Variants in AGBL4 observed in about 807,000 individuals in gnomAD.
AGBL4 encodes cytosolic carboxypeptidase 6.
Under a neutral mutation model 66.4 loss-of-function variants are expected in AGBL4, and 58 were observed. The ratio of observed to expected loss-of-function variants is 0.87; its 90% CI spans 0.71 to 1.09. The LOEUF (loss-of-function observed/expected upper bound fraction) is 1.09, where lower values mean the gene tolerates loss of function less well. Among genes scored for constraint, AGBL4 ranks in the 50% least tolerant of loss-of-function variants. The pLI is 0.00. For synonymous variants in AGBL4, 234 were observed against 222.9 expected (o/e 1.05, Z -0.44); for missense variants, 579 against 631.0 (o/e 0.92, Z 0.88).
rs374028416 is a variant in AGBL4, at chr1:49,500,479, T to C, written c.282+196834A>G. The stretch of plus-strand genomic sequence containing the variant: ...AAGCCAATGTCAAGAAGAATTTTTC[T>C]GATGTTATCTTCTAGAATTTTTATA... On this transcript the variant is annotated intron_variant, in intron 3 of 13. Coordinates refer to ENST00000371839, the MANE Select transcript of AGBL4 (RefSeq NM_032785.4). 5.4e-4 allele frequency among the ~76,000 whole-genome samples: 82 copies of C among 152,034 alleles called. 1 individual carries two copies. The East Asian group carries it at 0.015, about 28-fold the overall frequency.
intron 11 of AGBL4, among the ~76,000 whole-genome samples, chr1:48,554,805 C>T (rs1386828149): frequency 2.0e-5 from 3 of 152,184 alleles, no homozygotes; most frequent in African/African-American, 7.2e-5. Flanking sequence ...CTTTCTAATA[C>T]CACTCAGTTA....
chr1:48,856,007 A>G (rs1040144945), intron 6 of AGBL4, among the ~76,000 whole-genome samples: 1 of 152,184 alleles, frequency 6.6e-6, no homozygotes, highest in African/African-American at 2.4e-5. Context: ...ATTAAGTGAA[A>G]AATCAATAGA....
chr1:49,497,325 A>T lies in AGBL4; in HGVS notation c.282+199988T>A, dbSNP rs543284276. ...CTCCCATTCCATAGGTTGTCTCTTCACTTTATTGATTGTTTTCTTTGCAGT... is the reference window on the plus strand; with the variant it reads ...CTCCCATTCCATAGGTTGTCTCTTCTCTTTATTGATTGTTTTCTTTGCAGT... On this transcript the variant is annotated intron_variant, in intron 3 of 13. Coordinates refer to ENST00000371839, the MANE Select transcript of AGBL4 (RefSeq NM_032785.4). Among the ~76,000 whole-genome samples, 128 of 152,048 alleles carry T rather than the reference A, an allele frequency of 8.4e-4. 1 individual carries two copies. The highest frequency in any genetic ancestry group is 1.5e-3 in the Non-Finnish European group (104 of 67,922).
intron 2 of AGBL4, among the ~76,000 whole-genome samples, chr1:49,735,296 GGTGT>G (rs34172664): frequency 0.018 from 2,325 of 127,264 alleles, 29 homozygotes; most frequent in South Asian, 0.027. Context: ...GAGGTGTGTG[GGTGT>G]GTGTGTGTGT....
chr1:49,979,104 A>G (rs1302676033), intron 1 of AGBL4, among the ~76,000 whole-genome samples: 1 of 152,240 alleles, frequency 6.6e-6, no homozygotes, highest in Non-Finnish European at 1.5e-5. Context: ...AGATACAAGT[A>G]TCTTTTATAA....
intron 2 of AGBL4, among the ~76,000 whole-genome samples, chr1:49,834,381 T>G (rs1309753655): frequency 6.6e-6 from 1 of 152,234 alleles, no homozygotes; most frequent in Non-Finnish European, 1.5e-5. Flanking sequence ...GAAGTGTTTA[T>G]GGTATTCTCA....
rs950908067 is a variant in AGBL4, at chr1:49,291,136, C to A, written c.283-45272G>T. Among the ~76,000 whole-genome samples the A allele has an allele frequency of 6.6e-5, 10 of 152,286 alleles. No individual in the cohort carries two copies. In the South Asian group the frequency reaches 2.1e-3, roughly 32 times the overall value. ...ATCCAAGGAGGTCCTGGAAGAAATC[C>A]TCTGCAGATTCCAAGGGATGACTGT... On this transcript the variant is annotated intron_variant, in intron 3 of 13. Transcript: ENST00000371839.
At chr1:49,395,364 G>T (rs1035935706) in intron 3 of AGBL4, among the ~76,000 whole-genome samples, 1 of 151,912 alleles carries the variant, frequency 6.6e-6, no homozygotes, top group Non-Finnish European at 1.5e-5. Context: ...TTAATGCCTG[G>T]AACATGGCAG....
At chr1:49,528,572 G>A (rs141200725) in intron 3 of AGBL4, among the ~76,000 whole-genome samples, 1 of 151,884 alleles carries the variant, frequency 6.6e-6, no homozygotes, top group African/African-American at 2.4e-5. Flanking sequence ...AACCTATAGG[G>A]GAGATAAGTA....
chr1:49,031,213 A>G (rs1664198183), intron 5 of AGBL4, among the ~76,000 whole-genome samples: 1 of 152,020 alleles, frequency 6.6e-6, no homozygotes, highest in South Asian at 2.1e-4. Context: ...TCAGCCCTCC[A>G]AGTAGCTGGG....
At chr1:48,979,753 G>C (rs2148963196) in intron 5 of AGBL4, among the ~76,000 whole-genome samples, 1 of 151,986 alleles carries the variant, frequency 6.6e-6, no homozygotes, top group African/African-American at 2.4e-5. Flanking sequence ...TGGATTTTAA[G>C]GCACACAACC....
chr1:49,208,478 A>C (rs1176910805), intron 4 of AGBL4, among the ~76,000 whole-genome samples: 1 of 152,076 alleles, frequency 6.6e-6, no homozygotes, highest in Non-Finnish European at 1.5e-5. Context: ...GACAACAGGC[A>C]CTGAAAAGCT....
intron 1 of AGBL4, among the ~76,000 whole-genome samples, chr1:49,873,906 G>T (rs1240893024): frequency 6.6e-6 from 1 of 151,830 alleles, no homozygotes; most frequent in Non-Finnish European, 1.5e-5. Context: ...ATTTATATGG[G>T]AACTCAAAGG....
At chr1:48,932,940 A>G (rs1043166066) in intron 5 of AGBL4, among the ~76,000 whole-genome samples, 1 of 152,172 alleles carries the variant, frequency 6.6e-6, no homozygotes. Context: ...CCTTTGGGAA[A>G]CAGTATTTGG....
intron 13 of AGBL4, 78 bp downstream of exon 13, chr1:48,534,812 G>A: frequency 7.1e-7 from 1 of 1,417,204 alleles, no homozygotes; most frequent in South Asian, 1.3e-5. Flanking sequence ...AAGGCTGCCA[G>A]AATAGGTGAG....
intron 6 of AGBL4, among the ~76,000 whole-genome samples, chr1:48,776,048 A>G (rs147804744): frequency 2.0e-5 from 3 of 152,150 alleles, no homozygotes; most frequent in African/African-American, 7.2e-5. Flanking sequence ...ATCCTGTCCA[A>G]TGTTGGCCCG....
intron 5 of AGBL4, among the ~76,000 whole-genome samples, chr1:48,968,353 G>A (rs1295702698): frequency 2.0e-5 from 3 of 152,112 alleles, no homozygotes; most frequent in Admixed American, 6.6e-5. Flanking sequence ...GAAGGATTAA[G>A]AATAGAAAAA....
chr1:49,358,778 C>T (rs982584769), intron 3 of AGBL4, among the ~76,000 whole-genome samples: 4 of 152,018 alleles, frequency 2.6e-5, no homozygotes, highest in African/African-American at 4.8e-5. Context: ...AATTGTGAAA[C>T]AACTTTTCAA....
chr1:48,760,035 A>C (rs1644171351), intron 6 of AGBL4, among the ~76,000 whole-genome samples: 1 of 152,176 alleles, frequency 6.6e-6, no homozygotes, highest in Non-Finnish European at 1.5e-5. Context: ...GAAGGACTAC[A>C]CTTAGGGTCA....
Sources: allele counts gnomAD v4.1 joint callset (sites outside exome capture counted in the v4.1 genomes callset), GRCh38; gene constraint gnomAD v4.1.1; transcripts MANE v1.5; gene names NCBI Gene and HGNC (gene_info 2026-07-23, HGNC 2026-07-21).